RBM19: variants seen among roughly 807,000 people sequenced by gnomAD.
RBM19 encodes RNA binding motif protein 19.
A neutral mutation model predicts 116.8 loss-of-function variants in RBM19; 94 were observed. That is an observed-to-expected ratio of 0.80 (90% CI 0.68 to 0.95). The LOEUF (loss-of-function observed/expected upper bound fraction) is 0.95. RBM19 is among the 40% of genes least tolerant of loss of function. The pLI, the probability that RBM19 is intolerant of heterozygous loss-of-function variation, is 0.00. For synonymous variants in RBM19, 475 were observed against 494.1 expected (o/e 0.96, Z 0.51); for missense variants, 1,161 against 1,220.7 (o/e 0.95, Z 0.73).
At chr12:113,939,523 G>A (rs1473401546) in intron 15 of RBM19, among the ~76,000 whole-genome samples, 1 of 139,820 alleles carries the variant, frequency 7.2e-6, no homozygotes, top group African/African-American at 3.4e-5. Flanking sequence ...GCTGAGGCGG[G>A]CGGATCACGA....
chr12:113,946,938 T>C (rs1189030598), intron 11 of RBM19, among the ~76,000 whole-genome samples: 1 of 152,260 alleles, frequency 6.6e-6, no homozygotes, highest in Non-Finnish European at 1.5e-5. Flanking sequence ...TATTACTTGG[T>C]AACACTGGGA....
At position 113,957,678 on chromosome 12, in the gene RBM19, C is replaced by T. The variant is rs1872069155; in HGVS notation, c.840+104G>A. The T allele has an allele frequency of 1.2e-5, 17 of 1,450,634 alleles. No homozygotes were observed. In the East Asian group the frequency reaches 3.1e-4, roughly 27 times the overall value. 89.9% of individuals were successfully genotyped at this position (1,450,634 alleles called of 1,614,324 possible). On this transcript the variant is annotated intron_variant, in intron 6 of 23. Coordinates refer to ENST00000261741, the MANE Select transcript of RBM19 (RefSeq NM_016196.4). Reference sequence around the variant, plus strand: ...GGGAAGGCTTTGGACTGCAGAGCTGCGTCTTTCCCCAACATTCCGCTCTCC... The same window carrying T: ...GGGAAGGCTTTGGACTGCAGAGCTGTGTCTTTCCCCAACATTCCGCTCTCC...
At chr12:113,900,853 G>C (rs776124270) in intron 21 of RBM19, among the ~76,000 whole-genome samples, 4 of 152,212 alleles carry the variant, frequency 2.6e-5, no homozygotes, top group Non-Finnish European at 4.4e-5. Context: ...TGCAAAGCCA[G>C]CTTCTCCAGT....
At chr12:113,914,322 C>A (rs551095749) in intron 21 of RBM19, among the ~76,000 whole-genome samples, 1 of 152,206 alleles carries the variant, frequency 6.6e-6, no homozygotes, top group African/African-American at 2.4e-5. Context: ...TGGGTCCCTG[C>A]GACAGCTGCA....
At chr12:113,865,808 C>T (rs561451441) in intron 21 of RBM19, among the ~76,000 whole-genome samples, 71 of 149,804 alleles carry the variant, frequency 4.7e-4, no homozygotes, top group Non-Finnish European at 9.0e-4. Flanking sequence ...TCCTTCCAGG[C>T]AATGAATCAT....
At chr12:113,955,419 G>A (rs1014412741) in intron 6 of RBM19, among the ~76,000 whole-genome samples, 1 of 152,142 alleles carries the variant, frequency 6.6e-6, no homozygotes, top group African/African-American at 2.4e-5. Context: ...CCCCTGAGAC[G>A]AGGGCTGGAA....
chr12:113,893,215 G>C (rs991278325), intron 21 of RBM19, among the ~76,000 whole-genome samples: 2 of 152,002 alleles, frequency 1.3e-5, no homozygotes, highest in Admixed American at 1.3e-4. Flanking sequence ...ATTTTTTGTA[G>C]AGACACACTG....
chr12:113,879,617 T>A (rs1879964700), intron 21 of RBM19, among the ~76,000 whole-genome samples: 1 of 151,880 alleles, frequency 6.6e-6, no homozygotes, highest in Non-Finnish European at 1.5e-5. Context: ...GCTGGATGGC[T>A]CACCCATTCC....
chr12:113,961,903 A>G (rs1872529179), intron 2 of RBM19, among the ~76,000 whole-genome samples: 1 of 152,244 alleles, frequency 6.6e-6, no homozygotes, highest in South Asian at 2.1e-4. Flanking sequence ...TGCTAAATGC[A>G]TGAGTGAATG....
In RBM19 at chr12:113,915,075, T is replaced by C; in HGVS notation, c.2452A>G (p.Thr818Ala). 1.2e-6 allele frequency: 2 copies of C among 1,614,118 alleles called. No individual in the cohort carries two copies. The highest frequency in any genetic ancestry group is 1.7e-5 in the Admixed American group (1 of 60,024). The part of the protein sequence containing the change: ...ISERATKPAV[T>A]LARKKQVPRK... ...GGAACTTGTTTCTTCCGAGCCAATG[T>C]CACGGCTGGCCTGGAGTGGTGGGGG... Residue 818 changes from threonine (T) to alanine (A), a missense_variant, in exon 21 of 24, where the codon ACA becomes GCA. By Grantham distance (58) the Thr-to-Ala change is moderately conservative. Transcript: ENST00000261741.
At chr12:113,910,504 G>C (rs930610909) in intron 21 of RBM19, among the ~76,000 whole-genome samples, 1 of 152,238 alleles carries the variant, frequency 6.6e-6, no homozygotes, top group Non-Finnish European at 1.5e-5. Flanking sequence ...CCTGTTTGCA[G>C]AACCTCCTTC....
chr12:113,880,512 T>C (rs1392848243), intron 21 of RBM19, among the ~76,000 whole-genome samples: 1 of 152,242 alleles, frequency 6.6e-6, no homozygotes, highest in Non-Finnish European at 1.5e-5. Context: ...ATGAGGGTCA[T>C]ATTTCAAGTG....
At chr12:113,927,563 A>G (rs1007630626) in intron 16 of RBM19, 1 of 240,822 alleles carries the variant, frequency 4.2e-6, no homozygotes, top group Non-Finnish European at 7.9e-6. Context: ...CCGTGAGCCT[A>G]AGCAAAACGT....
intron 14 of RBM19, among the ~76,000 whole-genome samples, chr12:113,942,117 T>TA (rs1182979126): frequency 6.6e-6 from 1 of 152,234 alleles, no homozygotes; most frequent in Non-Finnish European, 1.5e-5. Flanking sequence ...AGACCTCTTG[T>TA]ACATGGCTCT....
chr12:113,873,788 G>A (rs1879467133), intron 21 of RBM19, among the ~76,000 whole-genome samples: 1 of 152,186 alleles, frequency 6.6e-6, no homozygotes, highest in South Asian at 2.1e-4. Context: ...GGTATAAGGT[G>A]GCAAAGTCAC....
chr12:113,928,554 C>A (rs927894338), intron 16 of RBM19, among the ~76,000 whole-genome samples: 3 of 149,616 alleles, frequency 2.0e-5, no homozygotes, highest in African/African-American at 7.4e-5. Context: ...GCACTTTGTA[C>A]CGCTTCCACT....
intron 13 of RBM19, 103 bp from the exon 14 acceptor site, chr12:113,942,537 A>T: frequency 2.5e-6 from 2 of 814,792 alleles, no homozygotes; most frequent in Non-Finnish European, 1.9e-6. Flanking sequence ...ATGGAAATGG[A>T]TTCCACGGAT....
chr12:113,957,964 A>T lies in RBM19; in HGVS notation c.658T>A (p.Ser220Thr). 1.2e-6 allele frequency: 2 copies of T among 1,614,038 alleles called. No homozygotes were observed. The highest frequency in any genetic ancestry group is 1.7e-6 in the Non-Finnish European group (2 of 1,179,958). Reference sequence around the variant, plus strand: ...TCCTCTTCCTCCGAGGAAGAGGACGACCCAGCCTTCACCATCTTGGATTTC... The same window carrying T: ...TCCTCTTCCTCCGAGGAAGAGGACGTCCCAGCCTTCACCATCTTGGATTTC... ...YLKSKMVKAG[S>T]SSSSEEEESE... The change falls in exon 6 of 24, where the codon TCG becomes ACG. Residue 220 changes from serine to threonine, a missense_variant. Physicochemically the swap from Ser to Thr is moderately conservative, Grantham distance 58. Transcript: ENST00000261741.
chr12:113,918,493 C>T (rs758275319), intron 19 of RBM19, 46 bp from the exon 20 acceptor site: 28 of 1,599,424 alleles, frequency 1.8e-5, no homozygotes, highest in East Asian at 6.7e-5. Context: ...CCGAGAAATA[C>T]TCACCCGAAT....
Sources: gnomAD v4.1 joint callset for allele counts (sites outside exome capture counted in the v4.1 genomes callset) on GRCh38, gnomAD v4.1.1 for gene constraint, MANE v1.5 for transcripts, NCBI Gene and HGNC (gene_info 2026-07-23, HGNC 2026-07-21) for gene names.